SEMA4D: variants seen among roughly 807,000 people sequenced by gnomAD.
SEMA4D encodes the protein semaphorin-4D.
Under a neutral mutation model 74.8 loss-of-function variants are expected in SEMA4D, and 22 were observed. That is an observed-to-expected ratio of 0.29 (90% CI 0.21 to 0.42). SEMA4D has a LOEUF of 0.42. Among genes scored for constraint, SEMA4D ranks in the 10% least tolerant of loss-of-function variants. SEMA4D has a pLI of 1.00. For synonymous variants in SEMA4D, 445 were observed against 463.7 expected (o/e 0.96, Z 0.52); for missense variants, 937 against 1,118.4 (o/e 0.84, Z 2.31).
At chr9:89,366,248 T>C (rs7469084) in intron 16 of SEMA4D, among the ~76,000 whole-genome samples, 47,280 of 152,144 alleles carry the variant, frequency 0.31, 7,670 homozygotes, top group South Asian at 0.44. Context: ...CAAAAATGGC[T>C]GGGATGCTGG....
intron 2 of SEMA4D, among the ~76,000 whole-genome samples, chr9:89,412,003 C>A (rs1220059493): frequency 6.6e-6 from 1 of 152,224 alleles, no homozygotes; most frequent in African/African-American, 2.4e-5. Context: ...GCTGCTCCCT[C>A]TTCCAGACTG....
Position 89,363,876 on chromosome 9 carries a change from C to T in SEMA4D, c.1957G>A (p.Ala653Thr), listed in dbSNP as rs779521264. 6.8e-6 allele frequency: 11 copies of T among 1,614,022 alleles called. No homozygotes were observed. The Admixed American group carries it at 1.3e-4, about 20-fold the overall frequency. Residue 653 changes from alanine (A) to threonine (T), a missense_variant, in exon 17 of 19, where the codon GCA becomes ACA. Physicochemically the swap from Ala to Thr is moderately conservative, Grantham distance 58. Transcript: ENST00000339861. ...GCATGGGCCCTGCCATCGGGCAGTG[C>T]ATGGGTCTGCACAGGGACACAGGTC...
chr9:89,403,879 T>A (rs564345856), intron 3 of SEMA4D, among the ~76,000 whole-genome samples: 1 of 152,280 alleles, frequency 6.6e-6, no homozygotes, highest in Admixed American at 6.5e-5. Context: ...CAGTAAGCTA[T>A]GATTGTCCCA....
At chr9:89,431,162 T>C (rs1413724313) in intron 2 of SEMA4D, among the ~76,000 whole-genome samples, 1 of 152,226 alleles carries the variant, frequency 6.6e-6, no homozygotes, top group Non-Finnish European at 1.5e-5. Flanking sequence ...AGCTTACTCA[T>C]GTAAAAAACC....
At chr9:89,459,376 T>C (rs1237623564) in intron 1 of SEMA4D, among the ~76,000 whole-genome samples, 1 of 152,216 alleles carries the variant, frequency 6.6e-6, no homozygotes, top group Non-Finnish European at 1.5e-5. Context: ...ATTCATTCCG[T>C]CAGTGAATGC....
chr9:89,376,670 C>G (rs11507707), downstream of SEMA4D: 205,581 of 1,029,910 alleles, frequency 0.2, 22,138 homozygotes, highest in Middle Eastern at 0.24. Flanking sequence ...CGGGATGGAC[C>G]CACAATGAAA....
chr9:89,418,264 T>G, intron 2 of SEMA4D: 4 of 725,242 alleles, frequency 5.5e-6, no homozygotes, highest in Non-Finnish European at 6.7e-6. Flanking sequence ...TCAGCTTGGC[T>G]TGCATGTGCT....
Position 89,393,584 on chromosome 9 carries a change from G to A in SEMA4D, c.486C>T (p.His162=), listed in dbSNP as rs1430657778. The A allele has an allele frequency of 1.9e-6, 3 of 1,614,150 alleles. No homozygotes were observed. The highest frequency in any genetic ancestry group is 2.5e-6 in the Non-Finnish European group (3 of 1,179,960). ...CACCAACCATGACGGATGTGTAGCT[G>A]TGTGCTGGGTCAAAGGGACATCTTC... The part of the protein sequence containing the change: ...GKGRCPFDPA[H]SYTSVMVDGE... Residue 162 remains histidine, a synonymous_variant, in exon 7 of 16, where the codon CAC becomes CAT. Transcript: ENST00000422704.
intron 1 of SEMA4D, among the ~76,000 whole-genome samples, chr9:89,490,090 T>C (rs1825510057): frequency 6.6e-6 from 1 of 152,244 alleles, no homozygotes; most frequent in South Asian, 2.1e-4. Flanking sequence ...GTGGCTTTGA[T>C]TCACATTTCC....
chr9:89,443,606 G>A (rs1248267598), intron 2 of SEMA4D, among the ~76,000 whole-genome samples: 1 of 152,208 alleles, frequency 6.6e-6, no homozygotes, highest in Non-Finnish European at 1.5e-5. Flanking sequence ...GACGGCCCTG[G>A]CCCTGCAGCG....
rs79646037 is a variant in SEMA4D at position 89,493,317 on chromosome 9, G to A, written c.-310+4602C>T. ...TCCACCCACTGGGTGGTTCTGTGCA[G>A]GCGCAAAGGCAGGCGGCTCCTGGCA... On this transcript the variant is annotated intron_variant, in intron 1 of 15. Coordinates refer to ENST00000422704, the MANE Select transcript of SEMA4D (RefSeq NM_001371194.2). 2.2e-3 allele frequency among the ~76,000 whole-genome samples: 335 copies of A among 152,318 alleles called. 4 individuals carry two copies. In the East Asian group the frequency reaches 0.038, roughly 17 times the overall value.
At chr9:89,404,183 G>A (rs1842785945) in intron 3 of SEMA4D, among the ~76,000 whole-genome samples, 1 of 152,204 alleles carries the variant, frequency 6.6e-6, no homozygotes, top group African/African-American at 2.4e-5. Flanking sequence ...TAAACAGCAG[G>A]AAAGGAAAGT....
At chr9:89,385,865 T>TGGGGGGGGGGGGG in intron 13 of SEMA4D, 33 of 213,330 alleles carry the variant, frequency 1.5e-4, no homozygotes, top group South Asian at 3.5e-4. Flanking sequence ...CCAGCGTGGA[T>TGGGGGGGGGGGGG]GCCCGCCCAC....
chr9:89,429,830 C>T (rs554888582), intron 2 of SEMA4D, among the ~76,000 whole-genome samples: 3 of 152,224 alleles, frequency 2.0e-5, no homozygotes, highest in South Asian at 4.1e-4. Flanking sequence ...AGAAATTACG[C>T]GGTTTGCAAA....
chr9:89,414,551 C>T (rs922273349), intron 2 of SEMA4D, among the ~76,000 whole-genome samples: 13 of 152,208 alleles, frequency 8.5e-5, no homozygotes, highest in African/African-American at 3.1e-4. Flanking sequence ...CCTCTGCCCC[C>T]AGAAACCCCT....
chr9:89,393,258 G>C (rs1299317223), intron 7 of SEMA4D, among the ~76,000 whole-genome samples: 1 of 152,244 alleles, frequency 6.6e-6, no homozygotes, highest in African/African-American at 2.4e-5. Flanking sequence ...ACTGCAGACA[G>C]CATGTGGCTC....
At chr9:89,419,913 T>C (rs1333360623) in intron 2 of SEMA4D, among the ~76,000 whole-genome samples, 1 of 152,010 alleles carries the variant, frequency 6.6e-6, no homozygotes, top group Non-Finnish European at 1.5e-5. Flanking sequence ...AAAGACTCCG[T>C]CTCAAAAAAA....
At chr9:89,404,064 T>G (rs1052139614) in intron 3 of SEMA4D, among the ~76,000 whole-genome samples, 2 of 152,210 alleles carry the variant, frequency 1.3e-5, no homozygotes, top group African/African-American at 4.8e-5. Context: ...CTCAGCCACC[T>G]GCAAGCAACA....
intron 1 of SEMA4D, chr9:89,472,329 C>T: frequency 2.3e-6 from 1 of 433,442 alleles, no homozygotes; most frequent in South Asian, 1.8e-5. Flanking sequence ...GAGGAGATGG[C>T]AAAGTTAGCT....
Sources: allele counts gnomAD v4.1 joint callset (sites outside exome capture counted in the v4.1 genomes callset), GRCh38; gene constraint gnomAD v4.1.1; transcripts MANE v1.5; gene names NCBI Gene and HGNC (gene_info 2026-07-23, HGNC 2026-07-21).